The following ROR2 variants were observed in gnomAD, a reference collection of about 807,000 sequenced individuals.
ROR2 encodes the protein ROR family WNT receptor 2, also known as tyrosine-protein kinase transmembrane receptor ROR2.
Under a neutral mutation model 74.9 loss-of-function variants are expected in ROR2, and 33 were observed. The observed-to-expected ratio is 0.44, with a 90% CI of 0.33 to 0.59. ROR2 has a LOEUF of 0.59. ROR2 is among the 20% of genes least tolerant of loss of function. The probability of loss-of-function intolerance (pLI) is 0.02; values close to 1 mark genes in which losing one functional copy is unlikely to be tolerated. For synonymous variants in ROR2, 586 were observed against 558.7 expected (o/e 1.05, Z -0.69); for missense variants, 1,216 against 1,313.8 (o/e 0.93, Z 1.15).
intron 1 of ROR2, among the ~76,000 whole-genome samples, chr9:91,939,281 A>G (rs1270136954): frequency 6.6e-6 from 1 of 152,228 alleles, no homozygotes; most frequent in Non-Finnish European, 1.5e-5. Flanking sequence ...TTAAATGTTA[A>G]CAAGTAATGC....
At chr9:91,861,155 T>C (rs1277112155) in intron 1 of ROR2, among the ~76,000 whole-genome samples, 3 of 152,186 alleles carry the variant, frequency 2.0e-5, no homozygotes, top group Non-Finnish European at 4.4e-5. Flanking sequence ...TGGATCAGAA[T>C]ACTTAATACT....
At chr9:91,815,142 G>A (rs1192610600) in intron 1 of ROR2, among the ~76,000 whole-genome samples, 1 of 152,208 alleles carries the variant, frequency 6.6e-6, no homozygotes, top group Non-Finnish European at 1.5e-5. Context: ...CTTACTGAAT[G>A]GGTTTAAGAA....
rs901945330 is a variant in ROR2, at chr9:91,769,672, T to C, written c.175+6069A>G. Among the ~76,000 whole-genome samples the C allele has an allele frequency of 3.3e-5, 5 of 152,076 alleles. No individual in the cohort carries two copies. In the East Asian group the frequency reaches 9.7e-4, roughly 29 times the overall value. On this transcript the variant is annotated intron_variant, in intron 2 of 8. Transcript: ENST00000375708. ...TGAGCTGTGGGGCCTTTGCCAGCCA[T>C]TGCCCCTACGTCCTCTCTCAGTGGG...
rs537049124 is a variant in ROR2, at chr9:91,861,198, A to G, written c.98-85380T>C. ...ATGGAAATACTCCTCAAATTTTTCT[A>G]TAGATTGAACACAACCCCAACCAAA... On this transcript the variant is annotated intron_variant, in intron 1 of 8. Coordinates refer to ENST00000375708, the MANE Select transcript of ROR2 (RefSeq NM_004560.4). Among the ~76,000 whole-genome samples the G allele has an allele frequency of 4.2e-4, 64 of 152,284 alleles. 1 individual carries two copies. In the South Asian group the frequency reaches 6.4e-3, roughly 15 times the overall value.
intron 1 of ROR2, among the ~76,000 whole-genome samples, chr9:91,889,602 G>A (rs1221816602): frequency 6.6e-6 from 1 of 152,072 alleles, no homozygotes; most frequent in Non-Finnish European, 1.5e-5. Context: ...AGACCACTAC[G>A]GTCCCTTCCA....
chr9:91,808,237 T>A (rs1311063296), intron 1 of ROR2, among the ~76,000 whole-genome samples: 2 of 152,222 alleles, frequency 1.3e-5, no homozygotes, highest in Non-Finnish European at 2.9e-5. Context: ...TTGCCCATTT[T>A]AAAGGAACTG....
chr9:91,877,528 G>A (rs1281275268), intron 1 of ROR2, among the ~76,000 whole-genome samples: 1 of 152,126 alleles, frequency 6.6e-6, no homozygotes, highest in African/African-American at 2.4e-5. Flanking sequence ...ACCTATACAG[G>A]GGAAATGAGT....
chr9:91,908,146 G>C (rs1429668948), intron 1 of ROR2, among the ~76,000 whole-genome samples: 1 of 152,206 alleles, frequency 6.6e-6, no homozygotes, highest in Admixed American at 6.5e-5. Flanking sequence ...AATGGGGGGA[G>C]GGAGGAGTTG....
chr9:91,756,398 C>T (rs766650580), intron 3 of ROR2, among the ~76,000 whole-genome samples: 5 of 152,194 alleles, frequency 3.3e-5, no homozygotes, highest in African/African-American at 7.2e-5. Flanking sequence ...GATCGGATGG[C>T]GTGGGCTTCG....
chr9:91,772,618 T>A (rs1826269533), intron 2 of ROR2, among the ~76,000 whole-genome samples: 1 of 152,222 alleles, frequency 6.6e-6, no homozygotes, highest in Non-Finnish European at 1.5e-5. Flanking sequence ...CATGCATGTA[T>A]GTACAGATGT....
chr9:91,772,073 G>A (rs73511102), intron 2 of ROR2, among the ~76,000 whole-genome samples: 5 of 152,158 alleles, frequency 3.3e-5, no homozygotes, highest in Non-Finnish European at 7.3e-5. Context: ...TTGCCAGGCC[G>A]ACTCCTTCTA....
At chr9:91,934,490 C>T (rs1410962846) in intron 1 of ROR2, among the ~76,000 whole-genome samples, 2 of 151,638 alleles carry the variant, frequency 1.3e-5, no homozygotes, top group Non-Finnish European at 2.9e-5. Flanking sequence ...ACCCAAAGCA[C>T]ACAGCAGGCC....
intron 7 of ROR2, among the ~76,000 whole-genome samples, chr9:91,730,321 G>C (rs1322219063): frequency 1.3e-5 from 2 of 152,172 alleles, no homozygotes; most frequent in Admixed American, 6.5e-5. Context: ...CTGATGGAAG[G>C]GGGTGGGCCA....
intron 1 of ROR2, among the ~76,000 whole-genome samples, chr9:91,847,924 T>A (rs542165468): frequency 6.6e-6 from 1 of 152,308 alleles, no homozygotes; most frequent in African/African-American, 2.4e-5. Context: ...AACTCCTGGC[T>A]AGCAGCTCTG....
intron 1 of ROR2, among the ~76,000 whole-genome samples, chr9:91,936,820 G>A (rs1831705739): frequency 6.6e-6 from 1 of 151,672 alleles, no homozygotes; most frequent in South Asian, 2.1e-4. Flanking sequence ...CACGAGGTCA[G>A]GAGATCGAGA....
chr9:91,769,463 G>A (rs1446342966), intron 2 of ROR2, among the ~76,000 whole-genome samples: 3 of 152,110 alleles, frequency 2.0e-5, no homozygotes, highest in African/African-American at 4.8e-5. Flanking sequence ...CCCTGAGCAC[G>A]CAGGGCATGT....
At chr9:91,859,955 C>T (rs1442288536) in intron 1 of ROR2, among the ~76,000 whole-genome samples, 3 of 152,196 alleles carry the variant, frequency 2.0e-5, no homozygotes, top group African/African-American at 4.8e-5. Flanking sequence ...ACTGGAGATG[C>T]CAGGGTGTGC....
chr9:91,786,217 C>T (rs1268963171), intron 1 of ROR2, among the ~76,000 whole-genome samples: 1 of 144,280 alleles, frequency 6.9e-6, no homozygotes, highest in Non-Finnish European at 1.5e-5. Context: ...AACCCTGACA[C>T]TCCACAGACT....
chr9:91,928,443 A>G (rs989714495), intron 1 of ROR2, among the ~76,000 whole-genome samples: 6 of 152,208 alleles, frequency 3.9e-5, no homozygotes, highest in African/African-American at 1.4e-4. Flanking sequence ...ACGGTGTGGG[A>G]CTGTGCCCTG....
Sources: allele counts gnomAD v4.1 joint callset (sites outside exome capture counted in the v4.1 genomes callset), GRCh38; gene constraint gnomAD v4.1.1; transcripts MANE v1.5; gene names NCBI Gene and HGNC (gene_info 2026-07-23, HGNC 2026-07-21).